RARB: variants seen among roughly 807,000 people sequenced by gnomAD.
RARB encodes the protein HBV-activated protein.
A neutral mutation model predicts 51.9 loss-of-function variants in RARB; 17 were observed. That is an observed-to-expected ratio of 0.33 (90% CI 0.22 to 0.49). The LOEUF is 0.49. Ranked by LOEUF, RARB falls within the 20% of genes least tolerant of loss-of-function variation. The pLI is 0.99. For missense variants in RARB, 369 were observed against 550.8 expected (o/e 0.67, Z 3.30); for synonymous variants, 215 against 195.4 (o/e 1.10, Z -0.84).
intron 3 of RARB, among the ~76,000 whole-genome samples, chr3:25,090,854 C>T (rs1350693622): frequency 6.6e-6 from 1 of 152,080 alleles, no homozygotes; most frequent in African/African-American, 2.4e-5. Flanking sequence ...AACTCACACT[C>T]CATTTTTCAT....
chr3:24,998,285 T>TC (rs1278140957), intron 2 of RARB, among the ~76,000 whole-genome samples: 1 of 151,790 alleles, frequency 6.6e-6, no homozygotes, highest in Non-Finnish European at 1.5e-5. Flanking sequence ...TTGTTTTTTT[T>TC]TTTTTCTTTG....
chr3:25,350,804 G>A (rs1705543297), intron 5 of RARB, among the ~76,000 whole-genome samples: 1 of 152,212 alleles, frequency 6.6e-6, no homozygotes, highest in Non-Finnish European at 1.5e-5. Flanking sequence ...AAGCTGCTAT[G>A]ATGCAGGGGC....
rs896583670 is a variant in RARB, at chr3:25,310,911, G to T, written c.178+136336G>T. 7.9e-5 allele frequency among the ~76,000 whole-genome samples: 12 copies of T among 152,254 alleles called. No individual in the cohort carries two copies. In the South Asian group the frequency reaches 1.4e-3, roughly 18 times the overall value. The stretch of plus-strand genomic sequence containing the variant: ...TGCATGTAAATAAATTTGTTACTCG[G>T]TTTATATTCCGTGCCAAGCACTGCC... On this transcript the variant is annotated intron_variant, in intron 5 of 11. Transcript: ENST00000383772.
intron 4 of RARB, among the ~76,000 whole-genome samples, chr3:25,168,459 C>T (rs900646717): frequency 1.3e-5 from 2 of 152,134 alleles, no homozygotes; most frequent in Admixed American, 1.3e-4. Flanking sequence ...CTCCTGATCT[C>T]AAGTAATCCA....
chr3:24,847,595 G>A (rs916421029), intron 1 of RARB, among the ~76,000 whole-genome samples: 10 of 152,144 alleles, frequency 6.6e-5, no homozygotes, highest in Non-Finnish European at 1.3e-4. Context: ...TGTGGAATTG[G>A]GATAAAATAG....
chr3:25,125,667 G>T (rs1260711394), intron 3 of RARB, among the ~76,000 whole-genome samples: 1 of 152,116 alleles, frequency 6.6e-6, no homozygotes, highest in Non-Finnish European at 1.5e-5. Flanking sequence ...GCATTTTAAG[G>T]AAAGTTCACC....
intron 5 of RARB, among the ~76,000 whole-genome samples, chr3:25,396,318 G>T (rs1707112780): frequency 6.6e-6 from 1 of 152,206 alleles, no homozygotes; most frequent in South Asian, 2.1e-4. Context: ...TGTTTAGTGT[G>T]CTGGTTTTCT....
rs117328996 is a variant in RARB, at chr3:25,286,545, A to G, written c.178+111970A>G. 2.8e-4 allele frequency among the ~76,000 whole-genome samples: 42 copies of G among 152,230 alleles called. 1 individual carries two copies. The East Asian group carries it at 7.7e-3, about 28-fold the overall frequency. ...TATACAACATTGTTGAATTGACTTC[A>G]TTCATCATTATACACCCTGTTCAAA... On this transcript the variant is annotated intron_variant, in intron 5 of 11. Coordinates refer to the RARB transcript ENST00000383772.
At chr3:25,058,480 A>C (rs1698484608) in intron 2 of RARB, among the ~76,000 whole-genome samples, 1 of 150,832 alleles carries the variant, frequency 6.6e-6, no homozygotes, top group Non-Finnish European at 1.5e-5. Flanking sequence ...AATCTGTACT[A>C]AATCAACCAG....
chr3:25,089,085 T>C (rs954785181), intron 3 of RARB, among the ~76,000 whole-genome samples: 1 of 152,048 alleles, frequency 6.6e-6, no homozygotes, highest in Non-Finnish European at 1.5e-5. Flanking sequence ...TGATACTAAG[T>C]TTCTGAAAGT....
At position 25,044,982 on chromosome 3, in the gene RARB, C is replaced by T. The variant is rs183438651; in HGVS notation, c.-379-15143C>T. Among the ~76,000 whole-genome samples, 8 of 152,214 alleles carry T rather than the reference C, an allele frequency of 5.3e-5. No homozygotes were observed. In the East Asian group the frequency reaches 7.7e-4, roughly 15 times the overall value. ...ATGAACCTTACAATCAAAGTCCTCCCGGCATTTTTTTGTTCTACTTGGAGG... is the reference window on the plus strand; with the variant it reads ...ATGAACCTTACAATCAAAGTCCTCCTGGCATTTTTTTGTTCTACTTGGAGG... On this transcript the variant is annotated intron_variant, in intron 2 of 11. Transcript: ENST00000383772.
intron 5 of RARB, among the ~76,000 whole-genome samples, chr3:25,204,166 A>G (rs1173110124): frequency 1.3e-5 from 2 of 151,916 alleles, no homozygotes; most frequent in East Asian, 1.9e-4. Context: ...TTCTTGCTTC[A>G]TTTCATTAAT....
At chr3:25,224,838 C>T (rs925407595) in intron 5 of RARB, among the ~76,000 whole-genome samples, 1 of 151,910 alleles carries the variant, frequency 6.6e-6, no homozygotes, top group Admixed American at 6.6e-5. Flanking sequence ...CTCCTAGGCT[C>T]GAGCAATCCA....
intron 1 of RARB, among the ~76,000 whole-genome samples, chr3:25,437,337 A>G (rs1228474145): frequency 6.6e-6 from 1 of 152,152 alleles, no homozygotes; most frequent in Non-Finnish European, 1.5e-5. Context: ...GTCACAATAC[A>G]CTTAGCCCAA....
chr3:25,393,250 T>C (rs1432462872), intron 5 of RARB, among the ~76,000 whole-genome samples: 2 of 152,170 alleles, frequency 1.3e-5, no homozygotes, highest in African/African-American at 4.8e-5. Flanking sequence ...CACTTGATCA[T>C]TGCGGATTAT....
chr3:25,017,424 G>A (rs1348042013), intron 2 of RARB, among the ~76,000 whole-genome samples: 1 of 151,862 alleles, frequency 6.6e-6, no homozygotes, highest in Non-Finnish European at 1.5e-5. Context: ...TGATGAATCT[G>A]CAATCAACAT....
intron 4 of RARB, among the ~76,000 whole-genome samples, chr3:25,171,216 T>C (rs911365802): frequency 4.6e-5 from 7 of 152,146 alleles, no homozygotes; most frequent in Admixed American, 4.6e-4. Context: ...CAGCTCCTGT[T>C]TGCCTTGCCT....
intron 2 of RARB, among the ~76,000 whole-genome samples, chr3:24,928,056 A>G (rs892590377): frequency 1.3e-5 from 2 of 152,070 alleles, no homozygotes; most frequent in Non-Finnish European, 1.5e-5. Context: ...TGAACAGAGC[A>G]TTGCAAGTCA....
intron 5 of RARB, among the ~76,000 whole-genome samples, chr3:25,288,706 G>C (rs988029710): frequency 1.3e-5 from 2 of 152,030 alleles, no homozygotes; most frequent in Non-Finnish European, 2.9e-5. Context: ...GAGCCAAGCA[G>C]AACTGTCTCA....
Sources: allele counts gnomAD v4.1 joint callset (sites outside exome capture counted in the v4.1 genomes callset), GRCh38; gene constraint gnomAD v4.1.1; transcripts MANE v1.5; gene names NCBI Gene and HGNC (gene_info 2026-07-23, HGNC 2026-07-21).